NAV3: variants seen among roughly 807,000 people sequenced by gnomAD.
NAV3 encodes the protein neuron navigator 3.
Under a neutral mutation model 244.7 loss-of-function variants are expected in NAV3, and 87 were observed. The ratio of observed to expected loss-of-function variants is 0.36; its 90% confidence interval spans 0.30 to 0.42. The LOEUF (loss-of-function observed/expected upper bound fraction) is 0.42, where lower values mean the gene tolerates loss of function less well. NAV3 is among the 20% of genes least tolerant of loss of function. NAV3 has a pLI of 1.00. For missense variants in NAV3, 2,663 were observed against 2,893.3 expected, an observed-to-expected ratio of 0.92 and a Z score of 1.83; for synonymous variants, 1,126 against 1,042.2, an observed-to-expected ratio of 1.08 and a Z score of -1.55.
intron 1 of NAV3, among the ~76,000 whole-genome samples, chr12:77,917,946 T>G (rs1170348728): frequency 1.3e-5 from 2 of 152,078 alleles, no homozygotes; most frequent in African/African-American, 4.8e-5. Flanking sequence ...ATAACTTCTC[T>G]TCTTAAAGGT....
chr12:77,768,394 G>C (rs928418560), intron 2 of NAV3, among the ~76,000 whole-genome samples: 1 of 152,198 alleles, frequency 6.6e-6, no homozygotes, highest in South Asian at 2.1e-4. Flanking sequence ...TGCCCAGGCT[G>C]TTTGTGCCAG....
chr12:78,050,790 C>T lies in NAV3; in HGVS notation c.2159C>T (p.Thr720Ile), dbSNP rs2137245156. 6.2e-7 allele frequency: 1 copy of T among 1,605,514 alleles called. No homozygotes were observed. Among genetic ancestry groups the T allele is most frequent in the Non-Finnish European group, 8.5e-7 (1 of 1,173,484 alleles). The change falls in exon 11 of 40, where the codon ACT (threonine) becomes ATT (isoleucine). Residue 720 changes from threonine (T) to isoleucine (I), a missense_variant. Coordinates refer to ENST00000397909, the MANE Select transcript of NAV3 (RefSeq NM_001024383.2). ...ACCCTGGAGACAACATTTGACAGCA[C>T]TGTGACAACAGAAGTTAATGGAAGG... ...HSTLETTFDSTVTTEVNGRTI... is the reference protein window; with the variant it reads ...HSTLETTFDSIVTTEVNGRTI...
At chr12:77,615,567 C>T (rs1871115312) in intron 2 of NAV3, among the ~76,000 whole-genome samples, 1 of 152,170 alleles carries the variant, frequency 6.6e-6, no homozygotes, top group African/African-American at 2.4e-5. Flanking sequence ...TTTATGGTTG[C>T]ATAGTATCCC....
chr12:77,614,074 C>CTTTTTTTTT, intron 2 of NAV3, among the ~76,000 whole-genome samples: 1 of 95,650 alleles, frequency 1.0e-5, no homozygotes, highest in Non-Finnish European at 2.0e-5. Flanking sequence ...TTCTTTCTCT[C>CTTTTTTTTT]TTTTTTTTTT....
At chr12:77,834,691 C>T (rs1874313315) in intron 1 of NAV3, among the ~76,000 whole-genome samples, 1 of 152,170 alleles carries the variant, frequency 6.6e-6, no homozygotes, top group African/African-American at 2.4e-5. Context: ...GGTTAGCAAA[C>T]ATATTAATCA....
At chr12:77,888,853 G>A (rs775411745) in intron 1 of NAV3, among the ~76,000 whole-genome samples, 19 of 152,150 alleles carry the variant, frequency 1.2e-4, no homozygotes, top group Non-Finnish European at 2.2e-4. Flanking sequence ...GGATAGGACC[G>A]GTGTTCTTCT....
chr12:77,969,283 T>C lies in NAV3; in HGVS notation c.671+581T>C, dbSNP rs547064513. ...GGAGTGCTCCCAAATCATGGCAACT[T>C]CCTTTTCTCTTCCATTATTATTATT... On this transcript the variant is annotated intron_variant, in intron 5 of 39. Transcript: ENST00000397909. Among the ~76,000 whole-genome samples, 5 of 152,152 alleles carry C rather than the reference T, an allele frequency of 3.3e-5. No homozygotes were observed. In the East Asian group the frequency reaches 9.7e-4, roughly 29 times the overall value.
chr12:77,602,341 G>A (rs1212578399), intron 2 of NAV3, among the ~76,000 whole-genome samples: 1 of 151,996 alleles, frequency 6.6e-6, no homozygotes, highest in Non-Finnish European at 1.5e-5. Flanking sequence ...GATCTGAGAT[G>A]GAGGAGGTAG....
At chr12:77,763,398 T>C (rs1165359647) in intron 2 of NAV3, among the ~76,000 whole-genome samples, 2 of 152,136 alleles carry the variant, frequency 1.3e-5, no homozygotes, top group Non-Finnish European at 2.9e-5. Context: ...AGCTTTGGTT[T>C]TTGTGGGTCA....
chr12:77,880,210 G>T (rs147875505), intron 1 of NAV3, among the ~76,000 whole-genome samples: 1 of 152,074 alleles, frequency 6.6e-6, no homozygotes, highest in Non-Finnish European at 1.5e-5. Flanking sequence ...GTCATGAGTC[G>T]CACAATTCTG....
At position 78,057,474 on chromosome 12, in the gene NAV3, A is replaced by G. The variant is rs151154081; in HGVS notation, c.2517-1522A>G. On this transcript the variant is annotated intron_variant, in intron 11 of 39. Transcript: ENST00000397909. ...GAGTTACTTGAGCTGTGTTAAAAAG[A>G]TCCATCTTTTGCACCACAGATTCCT... Among the ~76,000 whole-genome samples the G allele has an allele frequency of 4.3e-3, 662 of 152,322 alleles. 4 individuals are homozygous for G. The highest frequency in any genetic ancestry group is 0.015 in the African/African-American group (618 of 41,582).
chr12:78,146,628 C>T (rs1428147392), intron 21 of NAV3, among the ~76,000 whole-genome samples: 6 of 152,048 alleles, frequency 3.9e-5, no homozygotes, highest in African/African-American at 1.4e-4. Flanking sequence ...TAGCTCAACA[C>T]CTAATAAGTT....
chr12:78,134,200 C>G (rs1465649501), intron 18 of NAV3, among the ~76,000 whole-genome samples: 1 of 152,196 alleles, frequency 6.6e-6, no homozygotes, highest in African/African-American at 2.4e-5. Flanking sequence ...CCTTTCCCAT[C>G]TTCGTGTTCA....
intron 5 of NAV3, among the ~76,000 whole-genome samples, chr12:77,980,562 G>A (rs1242277): frequency 0.66 from 99,705 of 151,934 alleles, 33,243 homozygotes; most frequent in South Asian, 0.76. Context: ...TGCCTAAGTT[G>A]GTTTAAATTT....
At chr12:78,126,400 T>C (rs1034397470) in intron 16 of NAV3, among the ~76,000 whole-genome samples, 6 of 152,214 alleles carry the variant, frequency 3.9e-5, no homozygotes, top group Admixed American at 2.6e-4. Context: ...TGCCAGAGAT[T>C]ATAAAAGAAA....
chr12:77,902,198 C>T (rs898055057), intron 1 of NAV3, among the ~76,000 whole-genome samples: 1 of 152,114 alleles, frequency 6.6e-6, no homozygotes, highest in African/African-American at 2.4e-5. Flanking sequence ...CATCTGTAAT[C>T]AGGATGCTAC....
In NAV3 at chr12:77,583,230, A is replaced by C. The variant is rs139968489; in HGVS notation, c.72+10964A>C. Among the ~76,000 whole-genome samples the C allele has an allele frequency of 5.0e-3, 763 of 152,268 alleles. 8 individuals are homozygous for C. The highest frequency in any genetic ancestry group is 0.017 in the African/African-American group (691 of 41,562). On this transcript the variant is annotated intron_variant, in intron 2 of 8. Transcript: ENST00000550042. ...AATTTCTACTTAATATTTTTCATTA[A>C]AATTAGATGTTCTCCTTTAAACTCT...
At chr12:78,169,966 A>T (rs1272010672) in intron 24 of NAV3, among the ~76,000 whole-genome samples, 1 of 151,526 alleles carries the variant, frequency 6.6e-6, no homozygotes, top group East Asian at 1.9e-4. Flanking sequence ...TTTTGTATCC[A>T]TTTGTTAATT....
chr12:77,881,152 T>C (rs1039405336), intron 1 of NAV3, among the ~76,000 whole-genome samples: 2 of 152,148 alleles, frequency 1.3e-5, no homozygotes, highest in Non-Finnish European at 2.9e-5. Context: ...CACCTTTCCT[T>C]TACTTAGTGG....
Sources: gnomAD v4.1 joint callset for allele counts (sites outside exome capture counted in the v4.1 genomes callset) on GRCh38, gnomAD v4.1.1 for gene constraint, MANE v1.5 for transcripts, NCBI Gene and HGNC (gene_info 2026-07-23, HGNC 2026-07-21) for gene names.